STK4: variants seen among roughly 807,000 people sequenced by gnomAD.
The protein encoded by STK4 is serine/threonine kinase 4, also known as serine/threonine-protein kinase 4.
Under a neutral mutation model 64.9 loss-of-function variants are expected in STK4, and 30 were observed. The observed-to-expected ratio is 0.46, with a 90% confidence interval of 0.35 to 0.63. STK4 has a LOEUF of 0.63. Among genes scored for constraint, STK4 ranks in the 20% least tolerant of loss-of-function variants. STK4 has a pLI of 0.01. For synonymous variants in STK4, 177 were observed against 199.0 expected (o/e 0.89, Z 0.93); for missense variants, 466 against 598.5 (o/e 0.78, Z 2.31).
intron 10 of STK4, among the ~76,000 whole-genome samples, chr20:45,042,283 T>C (rs1456928894): frequency 6.6e-6 from 1 of 152,188 alleles, no homozygotes; most frequent in African/African-American, 2.4e-5. Flanking sequence ...TGTTTTTTTT[T>C]CTCACACGAA....
At chr20:45,043,426 G>C (rs1348080587) in intron 10 of STK4, among the ~76,000 whole-genome samples, 1 of 152,156 alleles carries the variant, frequency 6.6e-6, no homozygotes, top group Non-Finnish European at 1.5e-5. Flanking sequence ...CAGGCTTTCA[G>C]CGTTCAAATC....
chr20:45,025,450 A>G (rs1320354913), intron 10 of STK4, among the ~76,000 whole-genome samples: 1 of 152,210 alleles, frequency 6.6e-6, no homozygotes, highest in Non-Finnish European at 1.5e-5. Flanking sequence ...TTGATTTTAT[A>G]TTTAAGAATT....
chr20:45,028,230 C>A, intron 10 of STK4, among the ~76,000 whole-genome samples: 1 of 151,912 alleles, frequency 6.6e-6, no homozygotes, highest in East Asian at 1.9e-4. Context: ...CTACCAATGG[C>A]GTATGAACAT....
intron 10 of STK4, among the ~76,000 whole-genome samples, chr20:45,060,253 T>C (rs1294804444): frequency 6.6e-6 from 1 of 152,142 alleles, no homozygotes; most frequent in Non-Finnish European, 1.5e-5. Context: ...CCTGAAGGAA[T>C]TGGGAGTTGT....
chr20:45,032,741 A>G (rs1476813635), intron 10 of STK4, among the ~76,000 whole-genome samples: 10 of 152,296 alleles, frequency 6.6e-5, no homozygotes, highest in South Asian at 2.1e-4. Flanking sequence ...CAACACATGC[A>G]TGTGTCTTTA....
chr20:45,057,844 T>C (rs534532919), intron 10 of STK4, among the ~76,000 whole-genome samples: 1 of 152,316 alleles, frequency 6.6e-6, no homozygotes, highest in East Asian at 1.9e-4. Flanking sequence ...TATACACATT[T>C]GAGAAGTATT....
At chr20:45,055,253 T>TA (rs1352440079) in intron 10 of STK4, among the ~76,000 whole-genome samples, 2 of 152,242 alleles carry the variant, frequency 1.3e-5, no homozygotes, top group Non-Finnish European at 2.9e-5. Context: ...CCTCTGTGGC[T>TA]CTGTCATTTG....
intron 6 of STK4, among the ~76,000 whole-genome samples, chr20:44,995,797 G>T (rs923344612): frequency 6.6e-6 from 1 of 151,996 alleles, no homozygotes; most frequent in African/African-American, 2.4e-5. Context: ...TAGCCCTCTG[G>T]CAGGACATAG....
chr20:45,035,320 G>A (rs1220790138), intron 10 of STK4, among the ~76,000 whole-genome samples: 2 of 152,166 alleles, frequency 1.3e-5, no homozygotes, highest in Admixed American at 1.3e-4. Flanking sequence ...GAAATAAATA[G>A]AGCAAGATAC....
intron 3 of STK4, 100 bp downstream of exon 3, chr20:44,978,671 C>A: frequency 7.7e-7 from 1 of 1,306,772 alleles, no homozygotes; most frequent in Non-Finnish European, 1.0e-6. Context: ...AGATATTTTG[C>A]AGAAGGGAGA....
chr20:45,039,876 A>G (rs6130737), intron 10 of STK4, among the ~76,000 whole-genome samples: 1 of 152,050 alleles, frequency 6.6e-6, no homozygotes, highest in South Asian at 2.1e-4. Flanking sequence ...GCTTTTGTGT[A>G]ATCAGTACAG....
intron 4 of STK4, 71 bp from the exon 5 acceptor site, chr20:44,987,061 C>A: frequency 7.7e-7 from 1 of 1,290,674 alleles, no homozygotes; most frequent in Non-Finnish European, 1.1e-6. Context: ...AGGTTTGGAT[C>A]TGATTTTTTC....
At chr20:45,069,447 C>T (rs189189837) in intron 10 of STK4, among the ~76,000 whole-genome samples, 37 of 152,092 alleles carry the variant, frequency 2.4e-4, no homozygotes, top group Admixed American at 2.3e-3. Context: ...AACAGAAGTT[C>T]TTTTTTGTTT....
At chr20:45,004,755 CTT>C (rs1285811006) in intron 9 of STK4, among the ~76,000 whole-genome samples, 1 of 143,108 alleles carries the variant, frequency 7.0e-6, no homozygotes. Flanking sequence ...TTTTTTTCTC[CTT>C]TTTTTTTTTC....
At position 45,009,328 on chromosome 20, in the gene STK4, C is replaced by T. The variant is rs548784056; in HGVS notation, c.1147+7975C>T. Among the ~76,000 whole-genome samples, 668 of 152,100 alleles carry T rather than the reference C, an allele frequency of 4.4e-3. 1 individual carries two copies. The highest frequency in any genetic ancestry group is 0.017 in the South Asian group (80 of 4,804). ...CATTGCTTGTTTTTGTTGGCCTTGT[C>T]GAAGATTAGCTGGTTGTAGGTGTGC... On this transcript the variant is annotated intron_variant, in intron 9 of 10. Coordinates refer to ENST00000372806, the MANE Select transcript of STK4 (RefSeq NM_006282.5).
Position 45,072,414 on chromosome 20 carries a change from G to A in STK4, c.1306-2604G>A, listed in dbSNP as rs971642251. Among the ~76,000 whole-genome samples, 8 of 152,168 alleles carry A rather than the reference G, an allele frequency of 5.3e-5. No homozygotes were observed. The East Asian group carries it at 5.8e-4, about 11-fold the overall frequency. On this transcript the variant is annotated intron_variant, in intron 10 of 10. Coordinates refer to ENST00000372806, the MANE Select transcript of STK4 (RefSeq NM_006282.5). ...AGCAAGTCTACCCTCCTAATTCCCA[G>A]CTCCCCTTCTTTCACACTATTTTTT...
At chr20:45,048,811 T>A (rs1400172134) in intron 10 of STK4, among the ~76,000 whole-genome samples, 1 of 152,140 alleles carries the variant, frequency 6.6e-6, no homozygotes, top group African/African-American at 2.4e-5. Flanking sequence ...TAAGATGAGC[T>A]TAATTCTGTT....
chr20:45,000,966 G>T (rs1425603833), intron 8 of STK4, among the ~76,000 whole-genome samples: 1 of 152,158 alleles, frequency 6.6e-6, no homozygotes, highest in Non-Finnish European at 1.5e-5. Context: ...TTCCTTTAGG[G>T]TTAGATACAC....
Position 44,987,484 on chromosome 20 carries a change from A to G in STK4, c.525+188A>G, listed in dbSNP as rs572635696. ...TAGATCTTTTCCTGGGGTTCAGGTC[A>G]CATAGCTTAACTTTGTTCAACTTTT... On this transcript the variant is annotated intron_variant, in intron 5 of 10. Coordinates refer to ENST00000372806, the MANE Select transcript of STK4 (RefSeq NM_006282.5). Among the ~76,000 whole-genome samples, 3 of 152,350 alleles carry G rather than the reference A, an allele frequency of 2.0e-5. No individual in the cohort carries two copies. The South Asian group carries it at 6.2e-4, about 32-fold the overall frequency.
Sources: allele counts gnomAD v4.1 joint callset (sites outside exome capture counted in the v4.1 genomes callset), GRCh38; gene constraint gnomAD v4.1.1; transcripts MANE v1.5; gene names NCBI Gene and HGNC (gene_info 2026-07-23, HGNC 2026-07-21).